NECTIN3: variants seen among roughly 807,000 people sequenced by gnomAD.
NECTIN3 encodes nectin cell adhesion molecule 3, also known as nectin-3.
Under a neutral mutation model 49.4 loss-of-function variants are expected in NECTIN3, and 8 were observed. The observed-to-expected ratio is 0.16, with a 90% CI of 0.10 to 0.29. The LOEUF (loss-of-function observed/expected upper bound fraction) is 0.29. Ranked by LOEUF, NECTIN3 falls within the 10% of genes least tolerant of loss-of-function variation. The probability of loss-of-function intolerance (pLI) is 1.00; values close to 1 mark genes in which losing one functional copy is unlikely to be tolerated. For missense variants in NECTIN3, 581 were observed against 654.6 expected, an observed-to-expected ratio of 0.89 and a Z score of 1.23; for synonymous variants, 277 against 241.1, an observed-to-expected ratio of 1.15 and a Z score of -1.38.
chr3:111,138,009 G>A (rs994394121), downstream of NECTIN3, among the ~76,000 whole-genome samples: 2 of 151,554 alleles, frequency 1.3e-5, no homozygotes, highest in East Asian at 3.9e-4. Context: ...TGTAGCCCTA[G>A]CTGTTAAAAC....
downstream of NECTIN3, among the ~76,000 whole-genome samples, chr3:111,141,183 A>G (rs139170401): frequency 3.1e-3 from 478 of 152,078 alleles, 10 homozygotes; most frequent in Admixed American, 0.027. Flanking sequence ...AATAAGTCAT[A>G]TTGAGAAAAT....
Position 111,098,097 on chromosome 3 carries a change from C to A in NECTIN3, c.161-13933C>A, listed in dbSNP as rs538340086. ...CTATTGAGTTTATAATTATCCTTTT[C>A]TTTGGTTTTAATCTGTAAAGTTATC... On this transcript the variant is annotated intron_variant, in intron 1 of 5. Transcript: ENST00000485303. Among the ~76,000 whole-genome samples, 9 of 152,192 alleles carry A rather than the reference C, an allele frequency of 5.9e-5. No homozygotes were observed. In the East Asian group the frequency reaches 1.7e-3, roughly 29 times the overall value.
chr3:111,172,401 TAAA>T (rs1165227273), intron 7 of NECTIN3, among the ~76,000 whole-genome samples: 2 of 152,158 alleles, frequency 1.3e-5, no homozygotes, highest in African/African-American at 2.4e-5. Context: ...AGGATAGAAA[TAAA>T]AATAATATCA....
At chr3:111,146,110 A>C (rs982308426) in intron 6 of NECTIN3, among the ~76,000 whole-genome samples, 1 of 152,184 alleles carries the variant, frequency 6.6e-6, no homozygotes, top group African/African-American at 2.4e-5. Context: ...TCAGTATAAT[A>C]CTTGTGGGAC....
chr3:111,193,272 T>A, intron 1 of NECTIN3: 1 of 1,535,786 alleles, frequency 6.5e-7, no homozygotes, highest in East Asian at 2.4e-5. Context: ...TCAGCAGATG[T>A]ACCCCCTTTA....
Position 111,118,707 on chromosome 3 carries a change from G to A in NECTIN3, c.554G>A (p.Gly185Glu). 1 of 1,613,562 alleles carries A rather than the reference G, an allele frequency of 6.2e-7. No homozygotes were observed. The highest frequency in any genetic ancestry group is 8.5e-7 in the Non-Finnish European group (1 of 1,179,666). Residue 185 changes from glycine (G) to glutamate (E), a missense_variant, in exon 3 of 6, where the codon GGA (glycine) becomes GAA (glutamate). Transcript: ENST00000485303. Reference protein sequence around the residue: ...IKGPDSLIDGGNETVAAICIA... With the variant: ...IKGPDSLIDGENETVAAICIA... The stretch of plus-strand genomic sequence containing the variant: ...GGGCCAGATTCTTTAATTGATGGAG[G>A]AAATGAAACAGTAGCAGCCATTTGC...
Position 111,133,624 on chromosome 3 carries a change from G to A in NECTIN3, c.1070-11G>A. On this transcript the variant is annotated splice_polypyrimidine_tract_variant and intron_variant, in intron 5 of 5. Coordinates refer to ENST00000485303, the MANE Select transcript of NECTIN3 (RefSeq NM_015480.3). ...TTTCTGTGTCTTCTCTATCTTTACT[G>A]TTTCCATTAGATCCTCCTACTACTA... is the stretch of plus-strand genomic sequence containing the variant. 1.0e-5 allele frequency: 16 copies of A among 1,606,886 alleles called. No homozygotes were observed. Among genetic ancestry groups the A allele is most frequent in the Non-Finnish European group, 1.4e-5 (16 of 1,176,446 alleles).
chr3:111,136,364 T>C lies in NECTIN3; in HGVS notation c.*2149T>C, dbSNP rs759203261. 2.0e-6 allele frequency: 2 copies of C among 984,762 alleles called. No homozygotes were observed. The highest frequency in any genetic ancestry group is 2.4e-6 in the Non-Finnish European group (2 of 829,500). The allele number at this position is 984,762 out of a possible 1,614,324, so 61.0% of individuals were successfully genotyped here. A position where few individuals can be genotyped will look rare whatever the true frequency, so the allele number is the denominator to read the frequency against. On this transcript the variant is annotated 3_prime_UTR_variant, in exon 6 of 6. Transcript: ENST00000485303. The stretch of plus-strand genomic sequence containing the variant: ...TGTGCGATTAGGTTTTTTTGTTTGT[T>C]TCTTTTGTGTTTGTTTGGCGGGAGA...
In NECTIN3 at chr3:111,134,765, A is replaced by C; in HGVS notation, c.*550A>C. ...TTCAAACATTATTTTCTAAGTTTCT[A>C]TACAAATGAAATCTTTACCTCTGCA... is the stretch of plus-strand genomic sequence containing the variant. On this transcript the variant is annotated 3_prime_UTR_variant, in exon 6 of 6. Transcript: ENST00000485303. 2 of 966,040 alleles carry C rather than the reference A, an allele frequency of 2.1e-6. No homozygotes were observed. Among genetic ancestry groups the C allele is most frequent in the Non-Finnish European group, 2.5e-6 (2 of 812,470 alleles). 59.8% of individuals were successfully genotyped at this position (966,040 alleles called of 1,614,324 possible).
At chr3:111,143,838 TTGAA>T (rs1332220178) in intron 5 of NECTIN3, among the ~76,000 whole-genome samples, 1 of 152,054 alleles carries the variant, frequency 6.6e-6, no homozygotes, top group East Asian at 1.9e-4. Flanking sequence ...TATTCATTGA[TTGAA>T]TGGTCTTGGC....
chr3:111,139,670 T>G (rs2034691457), downstream of NECTIN3, among the ~76,000 whole-genome samples: 1 of 151,786 alleles, frequency 6.6e-6, no homozygotes, highest in African/African-American at 2.4e-5. Context: ...ATTGTCATGC[T>G]GCTTCCTATC....
chr3:111,181,737 T>C (rs2035629886), intron 7 of NECTIN3, among the ~76,000 whole-genome samples: 1 of 152,072 alleles, frequency 6.6e-6, no homozygotes, highest in Non-Finnish European at 1.5e-5. Context: ...AATGTCACCT[T>C]TTTCATTTTG....
chr3:111,182,270 T>G (rs1006714407), intron 7 of NECTIN3, among the ~76,000 whole-genome samples: 2 of 152,126 alleles, frequency 1.3e-5, no homozygotes, highest in African/African-American at 4.8e-5. Flanking sequence ...TTAGTGAATG[T>G]TTTTATGTGT....
At chr3:111,170,542 A>G (rs544325481) in intron 7 of NECTIN3, among the ~76,000 whole-genome samples, 1 of 152,294 alleles carries the variant, frequency 6.6e-6, no homozygotes, top group Admixed American at 6.5e-5. Flanking sequence ...GTAATAGGGG[A>G]GAAAGACTGG....
At chr3:111,190,892 A>G (rs1350983157), upstream of NECTIN3, among the ~76,000 whole-genome samples, 2 of 152,210 alleles carry the variant, frequency 1.3e-5, no homozygotes, top group Non-Finnish European at 2.9e-5. Flanking sequence ...AACAAGAACA[A>G]TAGGAAAACT....
chr3:111,186,540 A>G (rs996373732), intron 7 of NECTIN3, among the ~76,000 whole-genome samples: 7 of 152,168 alleles, frequency 4.6e-5, no homozygotes, highest in Admixed American at 4.6e-4. Context: ...TCTTCCTTAC[A>G]CGTTATACAA....
intron 7 of NECTIN3, among the ~76,000 whole-genome samples, chr3:111,184,189 G>C (rs1464572903): frequency 6.6e-6 from 1 of 151,482 alleles, no homozygotes; most frequent in African/African-American, 2.4e-5. Flanking sequence ...AGTTATTTTT[G>C]GTCTTTTTTA....
chr3:111,123,575 AT>A (rs1273117713), intron 4 of NECTIN3, among the ~76,000 whole-genome samples: 3 of 152,116 alleles, frequency 2.0e-5, no homozygotes, highest in African/African-American at 4.8e-5. Flanking sequence ...ATTAACCTGC[AT>A]TTTTTTGCCC....
chr3:111,182,481 A>G (rs1156302068), intron 7 of NECTIN3, among the ~76,000 whole-genome samples: 1 of 152,070 alleles, frequency 6.6e-6, no homozygotes, highest in Non-Finnish European at 1.5e-5. Flanking sequence ...TCTGTCGGTT[A>G]TTCATATATT....
Sources: allele counts gnomAD v4.1 joint callset (sites outside exome capture counted in the v4.1 genomes callset), GRCh38; gene constraint gnomAD v4.1.1; transcripts MANE v1.5; gene names NCBI Gene and HGNC (gene_info 2026-07-23, HGNC 2026-07-21).